PRMT8: variants seen among roughly 807,000 people sequenced by gnomAD.
PRMT8 encodes protein arginine methyltransferase 8.
A neutral mutation model predicts 47.1 loss-of-function variants in PRMT8; 7 were observed. That is an observed-to-expected ratio of 0.15 (90% CI 0.08 to 0.28). PRMT8 has a LOEUF of 0.28. Ranked by LOEUF, PRMT8 falls within the 10% of genes least tolerant of loss-of-function variation. The probability of loss-of-function intolerance (pLI) is 1.00; values close to 1 mark genes in which losing one functional copy is unlikely to be tolerated. For synonymous variants in PRMT8, 188 were observed against 186.5 expected (o/e 1.01, Z -0.07); for missense variants, 237 against 505.4 (o/e 0.47, Z 5.09).
At chr12:3,543,045 A>G (rs910010730) in intron 2 of PRMT8, among the ~76,000 whole-genome samples, 6 of 152,360 alleles carry the variant, frequency 3.9e-5, no homozygotes, top group African/African-American at 1.2e-4. Flanking sequence ...ATACGTATAT[A>G]TAAACATAGT....
At chr12:3,446,403 C>T (rs1472307637) in intron 1 of PRMT8, among the ~76,000 whole-genome samples, 1 of 152,080 alleles carries the variant, frequency 6.6e-6, no homozygotes, top group East Asian at 1.9e-4. Flanking sequence ...TGGGCACCGC[C>T]TCGGCCCCCA....
chr12:3,424,351 C>A (rs1460645761), intron 1 of PRMT8, among the ~76,000 whole-genome samples: 1 of 152,106 alleles, frequency 6.6e-6, no homozygotes, highest in Non-Finnish European at 1.5e-5. Flanking sequence ...TGGACTGGAT[C>A]CTTTTCATTT....
At chr12:3,388,660 G>A (rs1262984037) in intron 1 of PRMT8, among the ~76,000 whole-genome samples, 1 of 152,008 alleles carries the variant, frequency 6.6e-6, no homozygotes, top group Non-Finnish European at 1.5e-5. Flanking sequence ...GAAGAAACTT[G>A]CTCAATGTCT....
chr12:3,441,361 T>C (rs150041211), intron 1 of PRMT8, among the ~76,000 whole-genome samples: 1 of 152,362 alleles, frequency 6.6e-6, no homozygotes, highest in African/African-American at 2.4e-5. Flanking sequence ...GGGGAAGACA[T>C]ATTTCTGATG....
At chr12:3,398,417 G>T (rs1478043308) in intron 1 of PRMT8, among the ~76,000 whole-genome samples, 1 of 152,228 alleles carries the variant, frequency 6.6e-6, no homozygotes, top group Non-Finnish European at 1.5e-5. Context: ...CTACAACACA[G>T]CACTGTTTAT....
At chr12:3,455,962 C>T (rs1236200185) in intron 1 of PRMT8, among the ~76,000 whole-genome samples, 6 of 152,324 alleles carry the variant, frequency 3.9e-5, no homozygotes, top group Non-Finnish European at 7.3e-5. Flanking sequence ...CTATATCTAT[C>T]TCTGTCTCTT....
intron 1 of PRMT8, among the ~76,000 whole-genome samples, chr12:3,510,414 A>G (rs556748806): frequency 1.3e-5 from 2 of 152,310 alleles, no homozygotes; most frequent in African/African-American, 4.8e-5. Context: ...AAGATATTGA[A>G]TGTTCCCAAC....
chr12:3,424,927 T>A lies in PRMT8; in HGVS notation c.48+43485T>A, dbSNP rs901088945. On this transcript the variant is annotated intron_variant, in intron 1 of 9. Coordinates refer to the PRMT8 transcript ENST00000452611. ...CATGCTTTGGCCATGCGTGGACCAGTCAGCTTCCGGGTGTGACTGGAGCAG... is the reference window on the plus strand; with the variant it reads ...CATGCTTTGGCCATGCGTGGACCAGACAGCTTCCGGGTGTGACTGGAGCAG... Among the ~76,000 whole-genome samples the A allele has an allele frequency of 2.0e-5, 3 of 152,166 alleles. No individual in the cohort carries two copies. The South Asian group carries it at 6.2e-4, about 32-fold the overall frequency.
At chr12:3,439,279 C>A (rs1394055862) in intron 1 of PRMT8, among the ~76,000 whole-genome samples, 2 of 152,010 alleles carry the variant, frequency 1.3e-5, no homozygotes, top group Non-Finnish European at 2.9e-5. Flanking sequence ...CTCCCTCCAC[C>A]CATCTGTTTT....
intron 1 of PRMT8, among the ~76,000 whole-genome samples, chr12:3,527,054 TG>T (rs1375877804): frequency 6.6e-6 from 1 of 152,216 alleles, no homozygotes; most frequent in African/African-American, 2.4e-5. Context: ...ATCTGTTCTT[TG>T]TTATGCTTAT....
chr12:3,532,037 C>T (rs1369284366), intron 1 of PRMT8, among the ~76,000 whole-genome samples: 2 of 152,064 alleles, frequency 1.3e-5, no homozygotes, highest in East Asian at 1.9e-4. Context: ...GGTCTCAGTC[C>T]CACCCTGATT....
chr12:3,441,189 C>T (rs559820815), intron 1 of PRMT8, among the ~76,000 whole-genome samples: 25 of 152,218 alleles, frequency 1.6e-4, no homozygotes, highest in East Asian at 1.3e-3. Context: ...AATATTTTAA[C>T]GAGGGCAGAC....
intron 1 of PRMT8, among the ~76,000 whole-genome samples, chr12:3,524,948 T>C (rs1865930390): frequency 6.6e-6 from 1 of 152,144 alleles, no homozygotes; most frequent in Non-Finnish European, 1.5e-5. Flanking sequence ...TATGGCCAGG[T>C]GCAGTGCCTC....
chr12:3,542,203 G>T (rs947318353), intron 2 of PRMT8, among the ~76,000 whole-genome samples: 2 of 152,230 alleles, frequency 1.3e-5, no homozygotes, highest in African/African-American at 2.4e-5. Context: ...GAGGCTCAAG[G>T]TTTGGGTCCC....
intron 1 of PRMT8, among the ~76,000 whole-genome samples, chr12:3,481,014 A>G (rs1390076240): frequency 2.0e-5 from 3 of 152,198 alleles, no homozygotes; most frequent in African/African-American, 7.2e-5. Flanking sequence ...GGGAGTTCAC[A>G]TGGGAGGATG....
At chr12:3,505,868 C>T (rs1049323038) in intron 1 of PRMT8, among the ~76,000 whole-genome samples, 13 of 152,180 alleles carry the variant, frequency 8.5e-5, no homozygotes, top group African/African-American at 3.1e-4. Flanking sequence ...GAGCTTGTGG[C>T]CCTGTAATAG....
intron 1 of PRMT8, among the ~76,000 whole-genome samples, chr12:3,454,622 G>C (rs993839577): frequency 1.3e-5 from 2 of 152,108 alleles, no homozygotes; most frequent in Admixed American, 1.3e-4. Flanking sequence ...TTCAAAGGGA[G>C]CACAGCACTC....
intron 8 of PRMT8, among the ~76,000 whole-genome samples, chr12:3,589,614 T>C (rs1055242446): frequency 7.2e-5 from 11 of 152,202 alleles, no homozygotes; most frequent in African/African-American, 2.7e-4. Flanking sequence ...CCTGGGCACT[T>C]TGATGGAGAA....
chr12:3,507,050 T>C (rs1565425444), intron 1 of PRMT8, among the ~76,000 whole-genome samples: 1 of 152,028 alleles, frequency 6.6e-6, no homozygotes, highest in Non-Finnish European at 1.5e-5. Flanking sequence ...ATTCCTCAAT[T>C]AGGGCCCCAT....
Sources: gnomAD v4.1 joint callset for allele counts (sites outside exome capture counted in the v4.1 genomes callset) on GRCh38, gnomAD v4.1.1 for gene constraint, MANE v1.5 for transcripts, NCBI Gene and HGNC (gene_info 2026-07-23, HGNC 2026-07-21) for gene names.